The following SCAPER variants were observed in gnomAD, a reference collection of about 807,000 sequenced individuals.
SCAPER encodes S-phase cyclin A associated protein in the ER.
Under a neutral mutation model 182.2 loss-of-function variants are expected in SCAPER, and 98 were observed. That is an observed-to-expected ratio of 0.54 (90% CI 0.46 to 0.64). The LOEUF (loss-of-function observed/expected upper bound fraction) is 0.64, where lower values mean the gene tolerates loss of function less well. SCAPER is among the 30% of genes least tolerant of loss of function. The pLI is 0.00. For synonymous variants in SCAPER, 605 were observed against 564.6 expected, an observed-to-expected ratio of 1.07 and a Z score of -1.01; for missense variants, 1,432 against 1,690.0, an observed-to-expected ratio of 0.85 and a Z score of 2.68.
intron 15 of SCAPER, among the ~76,000 whole-genome samples, chr15:76,738,188 G>A (rs1425917099): frequency 1.3e-5 from 2 of 152,040 alleles, no homozygotes; most frequent in Non-Finnish European, 2.9e-5. Flanking sequence ...CACCCAGGCT[G>A]GAGTGCAGTG....
intron 23 of SCAPER, among the ~76,000 whole-genome samples, chr15:76,516,695 A>G (rs2042453947): frequency 6.6e-6 from 1 of 152,202 alleles, no homozygotes; most frequent in Non-Finnish European, 1.5e-5. Flanking sequence ...GTGTCTTTAT[A>G]GTAGAATGAT....
intron 25 of SCAPER, among the ~76,000 whole-genome samples, chr15:76,454,560 T>A (rs946272941): frequency 6.6e-6 from 1 of 152,268 alleles, no homozygotes; most frequent in Admixed American, 6.5e-5. Context: ...GAATATAACG[T>A]TTAGTTTTGC....
intron 4 of SCAPER, among the ~76,000 whole-genome samples, chr15:76,854,080 C>G (rs921737795): frequency 3.9e-5 from 6 of 152,058 alleles, no homozygotes; most frequent in African/African-American, 1.4e-4. Flanking sequence ...ACCACCCTGG[C>G]CAACAAGGTG....
At chr15:76,741,897 T>C (rs2061559314) in intron 15 of SCAPER, among the ~76,000 whole-genome samples, 1 of 151,982 alleles carries the variant, frequency 6.6e-6, no homozygotes, top group Admixed American at 6.6e-5. Context: ...CAGTTGAAGG[T>C]AGGGCTAAAG....
chr15:76,753,609 T>C (rs906356285), intron 15 of SCAPER, among the ~76,000 whole-genome samples, 199 bp downstream of exon 15: 1 of 151,962 alleles, frequency 6.6e-6, no homozygotes, highest in Non-Finnish European at 1.5e-5. Flanking sequence ...TACAGGGTTG[T>C]AAAAATAATA....
intron 5 of SCAPER, among the ~76,000 whole-genome samples, chr15:76,824,868 T>G (rs954106888): frequency 6.6e-6 from 1 of 152,200 alleles, no homozygotes; most frequent in Non-Finnish European, 1.5e-5. Flanking sequence ...TGCATCTTTG[T>G]GGGTAAATAA....
intron 20 of SCAPER, among the ~76,000 whole-genome samples, chr15:76,682,285 T>C (rs1171370012): frequency 8.5e-6 from 1 of 117,998 alleles, no homozygotes; most frequent in East Asian, 3.5e-4. Context: ...CCCCACAGTG[T>C]ACGTGTGAGC....
At position 76,620,989 on chromosome 15, in the gene SCAPER, A is replaced by G. The variant is rs199985831; in HGVS notation, c.2711+775T>C. Among the ~76,000 whole-genome samples the G allele has an allele frequency of 2.6e-5, 4 of 152,282 alleles. No individual in the cohort carries two copies. In the East Asian group the frequency reaches 7.7e-4, roughly 29 times the overall value. On this transcript the variant is annotated intron_variant, in intron 22 of 31. Transcript: ENST00000563290. Reference sequence around the variant, plus strand: ...TGTAACAAACCTGCACATCCTGCACATGTACTGCAGAACTTAAAATTAAAA... The same window carrying G: ...TGTAACAAACCTGCACATCCTGCACGTGTACTGCAGAACTTAAAATTAAAA...
intron 25 of SCAPER, among the ~76,000 whole-genome samples, chr15:76,439,312 C>G (rs2047405664): frequency 6.6e-6 from 1 of 152,128 alleles, no homozygotes; most frequent in South Asian, 2.1e-4. Context: ...CTCCTGGCCT[C>G]AAGCAATCCG....
At chr15:76,549,319 G>A (rs1053725458) in intron 23 of SCAPER, among the ~76,000 whole-genome samples, 1 of 152,114 alleles carries the variant, frequency 6.6e-6, no homozygotes, top group Non-Finnish European at 1.5e-5. Context: ...TATGTTTATT[G>A]CGGCACTATT....
intron 25 of SCAPER, among the ~76,000 whole-genome samples, chr15:76,436,841 C>T (rs955382732): frequency 4.6e-5 from 7 of 152,130 alleles, no homozygotes; most frequent in Non-Finnish European, 7.3e-5. Context: ...TAGGTTGAGA[C>T]CACACTTTTC....
At chr15:76,500,400 T>C (rs1342656558) in intron 24 of SCAPER, among the ~76,000 whole-genome samples, 1 of 152,204 alleles carries the variant, frequency 6.6e-6, no homozygotes, top group African/African-American at 2.4e-5. Context: ...CTTAAGTAAG[T>C]AAAAGACAAC....
chr15:76,867,056 C>A (rs1040516120), intron 2 of SCAPER, among the ~76,000 whole-genome samples: 11 of 152,114 alleles, frequency 7.2e-5, no homozygotes, highest in African/African-American at 2.2e-4. Context: ...ACAATAGTTA[C>A]CAAAGAGGCT....
intron 22 of SCAPER, among the ~76,000 whole-genome samples, chr15:76,582,582 G>A (rs12898430): frequency 0.49 from 74,759 of 151,950 alleles, 19,338 homozygotes; most frequent in Middle Eastern, 0.65. Context: ...TCTATTTCAC[G>A]GAAATTGAAA....
At chr15:76,364,338 T>C (rs910219615) in intron 29 of SCAPER, among the ~76,000 whole-genome samples, 2 of 151,900 alleles carry the variant, frequency 1.3e-5, no homozygotes, top group Admixed American at 6.6e-5. Context: ...ACCAGCAAAG[T>C]GTCAAGGACG....
intron 26 of SCAPER, among the ~76,000 whole-genome samples, chr15:76,426,209 A>C (rs2046412007): frequency 1.3e-5 from 2 of 152,330 alleles, no homozygotes; most frequent in Admixed American, 1.3e-4. Context: ...CTGCCCCCAG[A>C]GGTGGAGTCT....
At chr15:76,632,309 C>T (rs974928432) in intron 21 of SCAPER, among the ~76,000 whole-genome samples, 20 of 152,110 alleles carry the variant, frequency 1.3e-4, no homozygotes, top group African/African-American at 4.8e-4. Context: ...CTTGCCTCAG[C>T]CTCCTGAGCA....
intron 21 of SCAPER, among the ~76,000 whole-genome samples, chr15:76,628,307 T>A (rs1415110417): frequency 6.6e-6 from 1 of 152,236 alleles, no homozygotes; most frequent in Non-Finnish European, 1.5e-5. Context: ...CAACTTTTTC[T>A]TCTGTTGCAA....
chr15:76,655,856 C>T (rs2055590177), intron 21 of SCAPER, among the ~76,000 whole-genome samples: 1 of 152,026 alleles, frequency 6.6e-6, no homozygotes, highest in South Asian at 2.1e-4. Context: ...CAAGCAAATG[C>T]TAAGGGAATT....
Sources: allele counts gnomAD v4.1 joint callset (sites outside exome capture counted in the v4.1 genomes callset), GRCh38; gene constraint gnomAD v4.1.1; transcripts MANE v1.5; gene names NCBI Gene and HGNC (gene_info 2026-07-23, HGNC 2026-07-21).